The following PREP variants were observed in gnomAD, a reference collection of about 807,000 sequenced individuals.
The protein encoded by PREP is dJ355L5.1 (prolyl endopeptidase).
PREP carries 29 observed loss-of-function variants against 87.6 expected under a neutral mutation model. The ratio of observed to expected loss-of-function variants is 0.33; its 90% confidence interval spans 0.25 to 0.45. PREP has a LOEUF of 0.45. Among genes scored for constraint, PREP ranks in the 20% least tolerant of loss-of-function variants. PREP has a pLI of 1.00. For missense variants in PREP, 695 were observed against 886.5 expected, an observed-to-expected ratio of 0.78 and a Z score of 2.74; for synonymous variants, 337 against 328.6, an observed-to-expected ratio of 1.03 and a Z score of -0.28.
intron 7 of PREP, among the ~76,000 whole-genome samples, chr6:105,338,844 G>A (rs1236099137): frequency 6.6e-6 from 1 of 152,230 alleles, no homozygotes; most frequent in African/African-American, 2.4e-5. Context: ...TGGGGAAGGG[G>A]CATCCGCCAT....
intron 7 of PREP, among the ~76,000 whole-genome samples, chr6:105,342,600 T>C (rs1771688130): frequency 6.6e-6 from 1 of 152,204 alleles, no homozygotes; most frequent in Non-Finnish European, 1.5e-5. Flanking sequence ...AATATCCCTG[T>C]TTGCAGATGA....
chr6:105,363,233 G>C (rs1772298671), intron 6 of PREP, among the ~76,000 whole-genome samples: 1 of 152,026 alleles, frequency 6.6e-6, no homozygotes, highest in Admixed American at 6.6e-5. Context: ...AAAGAAGCTG[G>C]GCATTTTTTC....
intron 10 of PREP, among the ~76,000 whole-genome samples, chr6:105,294,382 T>C (rs1770363730): frequency 6.6e-6 from 1 of 152,178 alleles, no homozygotes. Context: ...CCAGAAGTTT[T>C]CCCACAATTC....
rs371073288 is a variant in PREP at position 105,355,115 on chromosome 6, G to A, written c.718-2038C>T. On this transcript the variant is annotated intron_variant, in intron 6 of 14. Transcript: ENST00000652536. ...TAGTTTTTTTTTTTTTTTTTGAGAC[G>A]GAGTTTTACCTTGTAGCCCAGGCTG... Among the ~76,000 whole-genome samples the A allele has an allele frequency of 7.0e-4, 100 of 142,556 alleles. 1 individual carries two copies. Among genetic ancestry groups the A allele is most frequent in the African/African-American group, 2.3e-3 (84 of 36,900 alleles). 93.5% of individuals were successfully genotyped at this position (142,556 alleles called of 152,430 possible).
intron 10 of PREP, among the ~76,000 whole-genome samples, chr6:105,302,019 GT>G (rs1352707842): frequency 6.6e-6 from 1 of 152,220 alleles, no homozygotes; most frequent in African/African-American, 2.4e-5. Flanking sequence ...GTAACCTGGT[GT>G]TTTGAGGTAG....
intron 10 of PREP, among the ~76,000 whole-genome samples, chr6:105,303,363 A>G (rs932929577): frequency 1.1e-4 from 17 of 152,022 alleles, no homozygotes; most frequent in African/African-American, 4.1e-4. Context: ...TCCAAAGTCC[A>G]CGTTTTAGAC....
intron 14 of PREP, among the ~76,000 whole-genome samples, chr6:105,279,685 C>G (rs1770031920): frequency 6.6e-6 from 1 of 152,166 alleles, no homozygotes; most frequent in Admixed American, 6.5e-5. Context: ...CCCTTCCTAG[C>G]TAGTGTGGGC....
chr6:105,280,279 G>GTGAC (rs1166610396), intron 14 of PREP, among the ~76,000 whole-genome samples: 1 of 152,108 alleles, frequency 6.6e-6, no homozygotes, highest in Non-Finnish European at 1.5e-5. Flanking sequence ...TCCAGCCTGG[G>GTGAC]TGACAGAGCA....
intron 10 of PREP, among the ~76,000 whole-genome samples, chr6:105,303,742 C>T (rs1770594850): frequency 6.6e-6 from 1 of 152,160 alleles, no homozygotes; most frequent in Admixed American, 6.5e-5. Context: ...GTTAAAATAA[C>T]CAAAACCAAA....
chr6:105,373,296 G>T, intron 5 of PREP, 73 bp downstream of exon 5: 1 of 1,470,700 alleles, frequency 6.8e-7, no homozygotes, highest in Non-Finnish European at 9.5e-7. Flanking sequence ...GTAGGGTTCA[G>T]CATCTCTTTT....
At chr6:105,302,633 G>A in intron 10 of PREP, 1 of 461,422 alleles carries the variant, frequency 2.2e-6, no homozygotes, top group Non-Finnish European at 4.3e-6. Context: ...TTCTTTGTGT[G>A]AGTCTGGTTA....
At chr6:105,322,707 T>C in intron 10 of PREP, 3 of 997,122 alleles carry the variant, frequency 3.0e-6, no homozygotes, top group Non-Finnish European at 3.6e-6. Context: ...GAGGCCAGTT[T>C]GCCAACTGCT....
At chr6:105,340,773 A>G (rs1771624879) in intron 7 of PREP, among the ~76,000 whole-genome samples, 1 of 152,226 alleles carries the variant, frequency 6.6e-6, no homozygotes, top group South Asian at 2.1e-4. Context: ...TAAACCAACA[A>G]AGATCAAAAG....
chr6:105,337,451 T>C (rs1406598379), intron 7 of PREP, among the ~76,000 whole-genome samples: 1 of 152,176 alleles, frequency 6.6e-6, no homozygotes, highest in Non-Finnish European at 1.5e-5. Context: ...AGAATTCACA[T>C]CCTGTCTTCC....
Position 105,402,747 on chromosome 6 carries a change from G to T in PREP, c.45+100C>A, listed in dbSNP as rs933793033. ...GCCGAGGGGGAGGGGAGGGACGCGG[G>T]GGTCGAAGGCCTACAGGAAGAGGAG... On this transcript the variant is annotated intron_variant, in intron 1 of 14. Transcript: ENST00000652536. The T allele has an allele frequency of 7.1e-6, 8 of 1,127,328 alleles. No individual in the cohort carries two copies. In the East Asian group the frequency reaches 2.4e-4, roughly 34 times the overall value. The allele number at this position is 1,127,328 out of a possible 1,614,324, so 69.8% of individuals were successfully genotyped here. A position where few individuals can be genotyped will look rare whatever the true frequency, so the allele number is the denominator to read the frequency against.
rs894988083 is a variant in PREP at position 105,322,269 on chromosome 6, A to G, written c.1317+1396T>C. 13 of 918,784 alleles carry G rather than the reference A, an allele frequency of 1.4e-5. No homozygotes were observed. In the East Asian group the frequency reaches 3.5e-4, roughly 25 times the overall value. 56.9% of individuals were successfully genotyped at this position (918,784 alleles called of 1,614,324 possible). ...CAGCAGCCAAATAAATAGGAAACTA[A>G]AAGTCTGTTACATTTATTTCTAACG... On this transcript the variant is annotated intron_variant, in intron 10 of 14. Transcript: ENST00000652536.
At position 105,334,731 on chromosome 6, in the gene PREP, A is replaced by G. The variant is rs149903256; in HGVS notation, c.824-1226T>C. Among the ~76,000 whole-genome samples the G allele has an allele frequency of 3.8e-4, 58 of 151,966 alleles. 1 individual carries two copies. In the East Asian group the frequency reaches 0.011, roughly 29 times the overall value. The stretch of plus-strand genomic sequence containing the variant: ...CTCTGTCTCAACAACAACAACAACA[A>G]CAACAACAGAGATGCGGTCTCTCCA... On this transcript the variant is annotated intron_variant, in intron 7 of 14. Transcript: ENST00000652536.
intron 10 of PREP, among the ~76,000 whole-genome samples, chr6:105,295,153 T>C (rs942646244): frequency 1.5e-5 from 1 of 67,540 alleles, no homozygotes; most frequent in Admixed American, 2.6e-4. Context: ...TTTCCAATGT[T>C]TTCCTTTTTT....
At chr6:105,362,280 G>A (rs1772270710) in intron 6 of PREP, among the ~76,000 whole-genome samples, 1 of 152,178 alleles carries the variant, frequency 6.6e-6, no homozygotes, top group Non-Finnish European at 1.5e-5. Flanking sequence ...GGCCAACATG[G>A]TGAAACCCCG....
Sources: gnomAD v4.1 joint callset for allele counts (sites outside exome capture counted in the v4.1 genomes callset) on GRCh38, gnomAD v4.1.1 for gene constraint, MANE v1.5 for transcripts, NCBI Gene and HGNC (gene_info 2026-07-23, HGNC 2026-07-21) for gene names.